GPR158: variants seen among roughly 807,000 people sequenced by gnomAD.
GPR158 encodes G protein-coupled receptor 158.
A neutral mutation model predicts 78.2 loss-of-function variants in GPR158; 30 were observed. That is an observed-to-expected ratio of 0.38 (90% confidence interval 0.29 to 0.52). The LOEUF is 0.52. Among genes scored for constraint, GPR158 ranks in the 20% least tolerant of loss-of-function variants. GPR158 has a pLI of 0.83. For synonymous variants in GPR158, 581 were observed against 591.1 expected, an observed-to-expected ratio of 0.98 and a Z score of 0.25; for missense variants, 1,463 against 1,523.5, an observed-to-expected ratio of 0.96 and a Z score of 0.66.
At chr10:25,263,689 C>G (rs1447158272) in intron 2 of GPR158, among the ~76,000 whole-genome samples, 2 of 152,094 alleles carry the variant, frequency 1.3e-5, no homozygotes, top group East Asian at 3.9e-4. Flanking sequence ...GTAATCCCAG[C>G]ACTTTGGGAG....
chr10:25,521,508 C>G (rs1239234352), intron 5 of GPR158, among the ~76,000 whole-genome samples: 1 of 152,104 alleles, frequency 6.6e-6, no homozygotes, highest in Non-Finnish European at 1.5e-5. Flanking sequence ...AATAGTTGAC[C>G]TCCTGAATTC....
At chr10:25,362,420 T>A (rs1855653806) in intron 2 of GPR158, among the ~76,000 whole-genome samples, 1 of 151,928 alleles carries the variant, frequency 6.6e-6, no homozygotes, top group Admixed American at 6.6e-5. Flanking sequence ...CTTCAATATT[T>A]TCTTGGCTAT....
intron 7 of GPR158, among the ~76,000 whole-genome samples, chr10:25,586,074 G>A (rs140593090): frequency 6.6e-5 from 10 of 152,236 alleles, no homozygotes; most frequent in African/African-American, 2.2e-4. Flanking sequence ...GTACTGAGAC[G>A]TCGTGTTACA....
chr10:25,469,034 C>G (rs1588877410), intron 5 of GPR158, among the ~76,000 whole-genome samples: 1 of 152,158 alleles, frequency 6.6e-6, no homozygotes, highest in African/African-American at 2.4e-5. Flanking sequence ...GGTACGGCTG[C>G]CGGGACATCA....
intron 2 of GPR158, among the ~76,000 whole-genome samples, chr10:25,306,085 G>C (rs544845944): frequency 3.9e-5 from 6 of 152,026 alleles, no homozygotes; most frequent in South Asian, 4.2e-4. Flanking sequence ...TACAGTTGTT[G>C]GCTCCCAACT....
chr10:25,472,683 C>T (rs76890556), intron 5 of GPR158, among the ~76,000 whole-genome samples: 2 of 152,124 alleles, frequency 1.3e-5, no homozygotes, highest in African/African-American at 2.4e-5. Context: ...CTTCACATCC[C>T]TTGTAAGTTG....
intron 1 of GPR158, among the ~76,000 whole-genome samples, chr10:25,207,335 C>T (rs1330930056): frequency 6.6e-6 from 1 of 152,076 alleles, no homozygotes; most frequent in African/African-American, 2.4e-5. Flanking sequence ...CTTGCTGTGA[C>T]TCTATTAATC....
intron 7 of GPR158, among the ~76,000 whole-genome samples, chr10:25,574,260 A>T (rs1837057503): frequency 6.6e-6 from 1 of 151,208 alleles, no homozygotes; most frequent in Non-Finnish European, 1.5e-5. Context: ...GATGCATTTG[A>T]GACCTTTAAA....
chr10:25,441,496 G>A (rs1835067428), intron 4 of GPR158, among the ~76,000 whole-genome samples: 1 of 152,162 alleles, frequency 6.6e-6, no homozygotes, highest in Non-Finnish European at 1.5e-5. Flanking sequence ...TTCCAATGAA[G>A]TCTCATGTGC....
At position 25,598,820 on chromosome 10, in the gene GPR158, G is replaced by T. The variant is rs765691470; in HGVS notation, c.3194G>T (p.Arg1065Leu). The T allele has an allele frequency of 4.3e-6, 7 of 1,614,078 alleles. No individual in the cohort carries two copies. In the South Asian group the frequency reaches 6.6e-5, roughly 15 times the overall value. ...AEVCQQSNQK[R>L]IDKAEVCLWE... is the part of the protein sequence containing the mutation. Reference sequence around the variant, plus strand: ...GTTTGTCAGCAATCCAATCAGAAGCGCATAGATAAGGCTGAAGTATGCCTT... The same window carrying T: ...GTTTGTCAGCAATCCAATCAGAAGCTCATAGATAAGGCTGAAGTATGCCTT... Residue 1065 changes from arginine (R) to leucine (L), a missense_variant, in exon 11 of 11, where the codon CGC becomes CTC. Transcript: ENST00000376351.
chr10:25,552,664 T>G (rs1042508198), intron 6 of GPR158, among the ~76,000 whole-genome samples: 2 of 152,222 alleles, frequency 1.3e-5, no homozygotes, highest in Admixed American at 1.3e-4. Context: ...TATGAGTAGA[T>G]GAGTGAATGA....
chr10:25,439,022 G>A (rs1835033919), intron 4 of GPR158, among the ~76,000 whole-genome samples: 1 of 152,170 alleles, frequency 6.6e-6, no homozygotes, highest in African/African-American at 2.4e-5. Flanking sequence ...TGCTACAGTG[G>A]CAGAATTGAA....
chr10:25,578,418 C>T (rs777651843), intron 7 of GPR158, among the ~76,000 whole-genome samples: 27 of 152,208 alleles, frequency 1.8e-4, no homozygotes, highest in Non-Finnish European at 3.4e-4. Flanking sequence ...AAGCTAAAGA[C>T]TGTGGAAGTC....
At chr10:25,444,112 C>A (rs983913963) in intron 4 of GPR158, among the ~76,000 whole-genome samples, 3 of 150,532 alleles carry the variant, frequency 2.0e-5, no homozygotes, top group Admixed American at 2.0e-4. Context: ...TGCCAGATAT[C>A]CCCTGGGGGG....
At chr10:25,315,078 G>C (rs1854829313) in intron 2 of GPR158, among the ~76,000 whole-genome samples, 1 of 151,402 alleles carries the variant, frequency 6.6e-6, no homozygotes, top group Non-Finnish European at 1.5e-5. Flanking sequence ...TGTTTCATGT[G>C]CACTCGAGAT....
At chr10:25,444,466 G>A (rs1835111539) in intron 4 of GPR158, among the ~76,000 whole-genome samples, 1 of 151,564 alleles carries the variant, frequency 6.6e-6, no homozygotes, top group South Asian at 2.1e-4. Flanking sequence ...ATGTGGGTGT[G>A]TGTGGAGGTG....
intron 5 of GPR158, chr10:25,475,863 T>G (rs1234187468): frequency 6.6e-6 from 1 of 152,184 alleles, no homozygotes; most frequent in Non-Finnish European, 1.5e-5. Context: ...AAGTAGGCTT[T>G]GTGGATATTC....
intron 1 of GPR158, among the ~76,000 whole-genome samples, chr10:25,177,461 T>C (rs145453191): frequency 1.1e-3 from 162 of 152,230 alleles, no homozygotes; most frequent in African/African-American, 3.6e-3. Flanking sequence ...TGAGAAACCT[T>C]TGTGTGTGGA....
At chr10:25,331,845 G>T (rs995677815) in intron 2 of GPR158, among the ~76,000 whole-genome samples, 1 of 152,204 alleles carries the variant, frequency 6.6e-6, no homozygotes, top group East Asian at 1.9e-4. Flanking sequence ...AAAATAATAT[G>T]TGAGAGTGAC....
Sources: allele counts gnomAD v4.1 joint callset (sites outside exome capture counted in the v4.1 genomes callset), GRCh38; gene constraint gnomAD v4.1.1; transcripts MANE v1.5; gene names NCBI Gene and HGNC (gene_info 2026-07-23, HGNC 2026-07-21).